The following AFG2A variants were observed in gnomAD, a reference collection of about 807,000 sequenced individuals.
AFG2A encodes ATPase family gene 2 protein homolog A.
the AFG2A span, among the ~76,000 whole-genome samples, chr4:123,133,360 C>G: frequency 1.3e-5 from 2 of 152,164 alleles, no homozygotes; most frequent in Non-Finnish European, 2.9e-5. Context: ...GGCAAGTGTT[C>G]TTGTGCATCT....
the AFG2A span, among the ~76,000 whole-genome samples, chr4:123,172,600 G>A: frequency 1.6e-4 from 25 of 152,248 alleles, no homozygotes; most frequent in African/African-American, 5.5e-4. Flanking sequence ...GGGTTCAGAG[G>A]CAAAACATTT....
At chr4:123,308,296 T>C in the AFG2A span, among the ~76,000 whole-genome samples, 1 of 152,140 alleles carries the variant, frequency 6.6e-6, no homozygotes, top group Non-Finnish European at 1.5e-5. Context: ...TTAAACAATT[T>C]TAGTTATTTA....
chr4:123,092,207 A>G, the AFG2A span, among the ~76,000 whole-genome samples: 1 of 152,202 alleles, frequency 6.6e-6, no homozygotes, highest in Non-Finnish European at 1.5e-5. Flanking sequence ...AGGACTGTAG[A>G]AACTGCTGAA....
the AFG2A span, among the ~76,000 whole-genome samples, chr4:123,166,874 C>G: frequency 6.6e-6 from 1 of 152,106 alleles, no homozygotes; most frequent in Non-Finnish European, 1.5e-5. Context: ...ACGTATGGAT[C>G]CTATCTGCCT....
chr4:123,135,473 CTT>C, the AFG2A span, among the ~76,000 whole-genome samples: 1 of 152,172 alleles, frequency 6.6e-6, no homozygotes, highest in African/African-American at 2.4e-5. Context: ...GTGAAATTAT[CTT>C]TGTTTGCTGA....
the AFG2A span, among the ~76,000 whole-genome samples, chr4:123,017,299 C>T: frequency 6.7e-6 from 1 of 148,784 alleles, no homozygotes; most frequent in Non-Finnish European, 1.5e-5. Context: ...TCTTTTTAAT[C>T]AACGGGAGAG....
the AFG2A span, among the ~76,000 whole-genome samples, chr4:123,139,653 A>G: frequency 6.6e-6 from 1 of 152,062 alleles, no homozygotes; most frequent in Non-Finnish European, 1.5e-5. Context: ...ATAAAGCAAT[A>G]CCTGGATTAA....
At chr4:122,989,926 G>A in the AFG2A span, among the ~76,000 whole-genome samples, 2 of 152,146 alleles carry the variant, frequency 1.3e-5, no homozygotes, top group Non-Finnish European at 2.9e-5. Flanking sequence ...GGTGCGACAC[G>A]GCTCACTGCA....
chr4:122,976,628 T>G, the AFG2A span, among the ~76,000 whole-genome samples: 1 of 152,218 alleles, frequency 6.6e-6, no homozygotes, highest in Non-Finnish European at 1.5e-5. Context: ...CCTCCCCTTT[T>G]AGATCTCTCC....
chr4:123,283,804 G>C, the AFG2A span, among the ~76,000 whole-genome samples: 2 of 152,106 alleles, frequency 1.3e-5, no homozygotes, highest in Non-Finnish European at 2.9e-5. Context: ...CTTCCACACT[G>C]CAAGGGCAGA....
At chr4:123,250,624 C>T in the AFG2A span, among the ~76,000 whole-genome samples, 1 of 152,182 alleles carries the variant, frequency 6.6e-6, no homozygotes, top group African/African-American at 2.4e-5. Flanking sequence ...CATTTTCACA[C>T]ATGAGGAAAC....
chr4:123,129,546 G>T, the AFG2A span, among the ~76,000 whole-genome samples: 6 of 152,292 alleles, frequency 3.9e-5, no homozygotes, highest in Admixed American at 1.3e-4. Flanking sequence ...TTACCTGTTA[G>T]CACCATCAGC....
At chr4:123,283,651 A>C in the AFG2A span, among the ~76,000 whole-genome samples, 1 of 152,152 alleles carries the variant, frequency 6.6e-6, no homozygotes, top group Non-Finnish European at 1.5e-5. Context: ...AGAATGTTTT[A>C]CCTTTTTAAG....
At chr4:123,028,247 A>G in the AFG2A span, 1 of 1,614,140 alleles carries the variant, frequency 6.2e-7, no homozygotes, top group South Asian at 1.1e-5. Context: ...CAGGCTGTGG[A>G]ATGGCCCTTA....
the AFG2A span, among the ~76,000 whole-genome samples, chr4:123,047,733 C>T: frequency 6.6e-6 from 1 of 150,718 alleles, no homozygotes; most frequent in Admixed American, 6.6e-5. Flanking sequence ...GACAGGGTCT[C>T]ACTCTGTCAC....
At chr4:123,146,554 T>G in the AFG2A span, among the ~76,000 whole-genome samples, 367 of 152,260 alleles carry the variant, frequency 2.4e-3, 3 homozygotes, top group African/African-American at 8.4e-3. Context: ...AAAATATGCA[T>G]AGTTATGAAA....
chr4:123,291,943 A>T, the AFG2A span, among the ~76,000 whole-genome samples: 10 of 152,156 alleles, frequency 6.6e-5, no homozygotes, highest in Admixed American at 6.6e-4. Context: ...GTTTCCCTCA[A>T]TTATTCTCTC....
At chr4:123,166,429 A>G in the AFG2A span, among the ~76,000 whole-genome samples, 1 of 152,164 alleles carries the variant, frequency 6.6e-6, no homozygotes, top group Non-Finnish European at 1.5e-5. Context: ...ATGTGAGTTA[A>G]TATTACTTAA....
the AFG2A span, among the ~76,000 whole-genome samples, chr4:123,173,547 G>C: frequency 6.6e-6 from 1 of 151,562 alleles, no homozygotes; most frequent in Non-Finnish European, 1.5e-5. Flanking sequence ...GTAGAGACAG[G>C]GTTTCACCAT....
Sources: gnomAD v4.1 joint callset for allele counts (sites outside exome capture counted in the v4.1 genomes callset) on GRCh38, gnomAD v4.1.1 for gene constraint, MANE v1.5 for transcripts, NCBI Gene and HGNC (gene_info 2026-07-23, HGNC 2026-07-21) for gene names.